Variants in NBEA observed in about 807,000 individuals in gnomAD.
The protein encoded by NBEA is lysosomal-trafficking regulator 2.
In NBEA, 44 loss-of-function variants were observed where a neutral mutation model predicts 343.4. That is an observed-to-expected ratio of 0.13 (90% CI 0.10 to 0.16). The LOEUF is 0.16. Ranked by LOEUF, NBEA falls within the 10% of genes least tolerant of loss-of-function variation. The probability of loss-of-function intolerance (pLI) is 1.00; values close to 1 mark genes in which losing one functional copy is unlikely to be tolerated. For missense variants in NBEA, 2,555 were observed against 3,631.3 expected, an observed-to-expected ratio of 0.70 and a Z score of 7.62; for synonymous variants, 1,175 against 1,238.7, an observed-to-expected ratio of 0.95 and a Z score of 1.08.
chr13:35,257,772 C>T lies in NBEA; in HGVS notation c.5776+25153C>T, dbSNP rs564207079. ...TCTATATCCTGTTGGGCCATTTGTCCCTGTGCAAACAAAAATTGGTAATTT... is the reference window on the plus strand; with the variant it reads ...TCTATATCCTGTTGGGCCATTTGTCTCTGTGCAAACAAAAATTGGTAATTT... On this transcript the variant is annotated intron_variant, in intron 34 of 58. Transcript: ENST00000379939. Among the ~76,000 whole-genome samples, 7 of 152,092 alleles carry T rather than the reference C, an allele frequency of 4.6e-5. No individual in the cohort carries two copies. The East Asian group carries it at 1.2e-3, about 25-fold the overall frequency.
intron 38 of NBEA, among the ~76,000 whole-genome samples, chr13:35,412,492 TAA>T (rs1244169709): frequency 3.9e-5 from 6 of 152,158 alleles, no homozygotes; most frequent in Non-Finnish European, 7.3e-5. Flanking sequence ...ATTTTAACTA[TAA>T]GTTTGTTTTT....
intron 34 of NBEA, among the ~76,000 whole-genome samples, chr13:35,266,255 A>C (rs535756153): frequency 1.8e-4 from 27 of 152,046 alleles, no homozygotes; most frequent in Admixed American, 1.3e-4. Flanking sequence ...GAATTAGGAT[A>C]GCCATTGTGG....
At chr13:35,060,509 A>G (rs1292499933) in intron 8 of NBEA, among the ~76,000 whole-genome samples, 2 of 151,754 alleles carry the variant, frequency 1.3e-5, no homozygotes, top group East Asian at 1.9e-4. Context: ...TAAAGTCAGA[A>G]CTTTTAAGAG....
intron 45 of NBEA, among the ~76,000 whole-genome samples, chr13:35,574,466 C>A (rs1032016277): frequency 6.6e-6 from 1 of 151,688 alleles, no homozygotes; most frequent in Non-Finnish European, 1.5e-5. Context: ...AGAATGAGTT[C>A]TTTTAAAATA....
intron 1 of NBEA, among the ~76,000 whole-genome samples, chr13:35,007,707 G>T (rs1031195978): frequency 1.3e-5 from 2 of 152,116 alleles, no homozygotes; most frequent in African/African-American, 4.8e-5. Flanking sequence ...TGCCCAGGCT[G>T]GTCTGGAACT....
chr13:35,157,788 A>G (rs1237511144), intron 21 of NBEA, among the ~76,000 whole-genome samples: 1 of 152,066 alleles, frequency 6.6e-6, no homozygotes, highest in Non-Finnish European at 1.5e-5. Flanking sequence ...ATTAAACTGT[A>G]CAAGTATATA....
intron 55 of NBEA, among the ~76,000 whole-genome samples, chr13:35,658,499 C>G (rs1379914923): frequency 6.6e-6 from 1 of 152,148 alleles, no homozygotes; most frequent in East Asian, 1.9e-4. Context: ...CTGGTACTAT[C>G]CCAGCAGCTG....
chr13:35,518,258 A>C (rs533969247), intron 41 of NBEA, among the ~76,000 whole-genome samples: 2 of 152,298 alleles, frequency 1.3e-5, no homozygotes, highest in South Asian at 4.1e-4. Context: ...AAAAAGAGAA[A>C]TTAGAGCACT....
chr13:35,191,000 A>G lies in NBEA; in HGVS notation c.4928-4864A>G, dbSNP rs10047678. Among the ~76,000 whole-genome samples the G allele has an allele frequency of 9.6e-3, 1,462 of 152,284 alleles. 20 individuals carry two copies. Among genetic ancestry groups the G allele is most frequent in the African/African-American group, 0.034 (1,409 of 41,576 alleles). On this transcript the variant is annotated intron_variant, in intron 30 of 58. Transcript: ENST00000379939. ...GTTGAAAATTGTAATAACTGAAATG[A>G]AAAATTCACTTAGAGGGGTTCAGCA...
At chr13:35,031,741 C>T (rs1221165587) in intron 1 of NBEA, among the ~76,000 whole-genome samples, 3 of 151,474 alleles carry the variant, frequency 2.0e-5, no homozygotes, top group East Asian at 3.9e-4. Context: ...TTTAATCACT[C>T]GGTTATGTAT....
At chr13:35,514,043 T>G (rs569889258) in intron 41 of NBEA, among the ~76,000 whole-genome samples, 15 of 152,006 alleles carry the variant, frequency 9.9e-5, no homozygotes, top group Non-Finnish European at 1.6e-4. Flanking sequence ...AACAGCAGCC[T>G]CTAGCCCTCC....
chr13:35,163,342 C>T (rs1010139367), intron 23 of NBEA, among the ~76,000 whole-genome samples: 2 of 151,734 alleles, frequency 1.3e-5, no homozygotes, highest in Admixed American at 1.3e-4. Flanking sequence ...TTTTTTTAAT[C>T]TTATTTTTTT....
Position 35,475,434 on chromosome 13 carries a change from C to T in NBEA, c.6585+2898C>T, listed in dbSNP as rs772560521. On this transcript the variant is annotated intron_variant, in intron 41 of 58. Coordinates refer to ENST00000379939, the MANE Select transcript of NBEA (RefSeq NM_001385012.1). ...CCATCTGCAGTCTGTTCTCTGCCTC[C>T]GCGAACTGCAGCACCCAGGCGTCGC... is the stretch of plus-strand genomic sequence containing the variant. 1.9e-5 allele frequency: 30 copies of T among 1,613,262 alleles called. No homozygotes were observed. In the Admixed American group the frequency reaches 3.2e-4, roughly 17 times the overall value.
intron 1 of NBEA, among the ~76,000 whole-genome samples, chr13:35,029,870 G>A (rs2062143190): frequency 6.6e-6 from 1 of 151,594 alleles, no homozygotes; most frequent in South Asian, 2.1e-4. Context: ...GCTCAGCTGT[G>A]ATATTTATTT....
intron 1 of NBEA, among the ~76,000 whole-genome samples, chr13:34,992,834 G>A (rs1331247314): frequency 5.5e-5 from 6 of 108,432 alleles, no homozygotes; most frequent in Non-Finnish European, 1.2e-4. Context: ...CACCACACCC[G>A]GCTAATTTTT....
chr13:35,034,661 A>T (rs1372907916), intron 1 of NBEA, among the ~76,000 whole-genome samples: 3 of 151,516 alleles, frequency 2.0e-5, no homozygotes, highest in Non-Finnish European at 4.4e-5. Context: ...TTCAGCAGTG[A>T]AGTGCTTTTC....
intron 48 of NBEA, among the ~76,000 whole-genome samples, chr13:35,627,858 T>C (rs2083293731): frequency 6.6e-6 from 1 of 152,120 alleles, no homozygotes. Flanking sequence ...AGGGAAAATT[T>C]TCATTTAGGT....
chr13:35,156,984 C>T, intron 20 of NBEA, 94 bp from the exon 21 acceptor site: 1 of 1,066,762 alleles, frequency 9.4e-7, no homozygotes, highest in Non-Finnish European at 1.3e-6. Flanking sequence ...GAGGTCAGAT[C>T]ATATTTTCAC....
intron 41 of NBEA, among the ~76,000 whole-genome samples, chr13:35,519,130 T>C (rs1436635227): frequency 5.3e-5 from 8 of 152,218 alleles, no homozygotes; most frequent in Admixed American, 5.2e-4. Flanking sequence ...CTTTTCTTCT[T>C]GTTTTTTAAC....
Sources: gnomAD v4.1 joint callset for allele counts (sites outside exome capture counted in the v4.1 genomes callset) on GRCh38, gnomAD v4.1.1 for gene constraint, MANE v1.5 for transcripts, NCBI Gene and HGNC (gene_info 2026-07-23, HGNC 2026-07-21) for gene names.